OR3A2: variants seen among roughly 807,000 people sequenced by gnomAD.
OR3A2 encodes the protein olfactory receptor 3A2.
For missense variants in OR3A2, 318 were observed against 392.8 expected, an observed-to-expected ratio of 0.81 and a Z score of 1.61; for synonymous variants, 126 against 159.3, an observed-to-expected ratio of 0.79 and a Z score of 1.57.
upstream of OR3A2, among the ~76,000 whole-genome samples, chr17:3,288,116 C>T (rs2048830405): frequency 6.6e-6 from 1 of 150,872 alleles, no homozygotes; most frequent in Admixed American, 6.6e-5. Context: ...AGCAGTTACT[C>T]TAAACAAAAT....
At chr17:3,341,033 C>G (rs1597349454) in intron 2 of OR3A2, among the ~76,000 whole-genome samples, 1 of 152,036 alleles carries the variant, frequency 6.6e-6, no homozygotes, top group Non-Finnish European at 1.5e-5. Context: ...CCTTCTTTGT[C>G]TCTTTTGATC....
At chr17:3,278,063 G>A in exon 2 of OR3A2, 1 of 1,614,152 alleles carries the variant, frequency 6.2e-7, no homozygotes, top group African/African-American at 1.3e-5. Flanking sequence ...TCAGCATAGG[G>A]TTGATAACAG....
rs1279688209 is a variant in OR3A2 at position 3,351,274 on chromosome 17, T to C, written c.-178-15148A>G. Among the ~76,000 whole-genome samples, 55 of 93,842 alleles carry C rather than the reference T, an allele frequency of 5.9e-4. 5 individuals carry two copies. The highest frequency in any genetic ancestry group is 2.0e-3 in the African/African-American group (54 of 27,188). 61.6% of individuals were successfully genotyped at this position (93,842 alleles called of 152,430 possible). ...TTTGCAGACAACATCATTGTATATC[T>C]AGAAAACCCCATTGTGTCAGCCCAA... On this transcript the variant is annotated intron_variant, in intron 2 of 4. Coordinates refer to the OR3A2 transcript ENST00000573491.
At chr17:3,323,019 G>A (rs1274299563) in intron 3 of OR3A2, among the ~76,000 whole-genome samples, 3 of 152,110 alleles carry the variant, frequency 2.0e-5, no homozygotes, top group Non-Finnish European at 4.4e-5. Context: ...CTCTTTGTAG[G>A]TCACTAAGGA....
Position 3,291,805 on chromosome 17 carries a change from A to G in OR3A2, c.-84-12652T>C, listed in dbSNP as rs765967770. ...GTTGAACCCAGTCGCATATAGTTAA[A>G]GATACCTGAACCATAGAATATGGCA... On this transcript the variant is annotated intron_variant, in intron 3 of 4. Transcript: ENST00000573491. 1.3e-5 allele frequency: 21 copies of G among 1,613,764 alleles called. No homozygotes were observed. In the South Asian group the frequency reaches 2.3e-4, roughly 18 times the overall value.
intron 2 of OR3A2, among the ~76,000 whole-genome samples, chr17:3,348,200 G>T (rs1249643423): frequency 6.6e-6 from 1 of 152,066 alleles, no homozygotes; most frequent in African/African-American, 2.4e-5. Context: ...TAGGTTGCCT[G>T]TTCACTCTGA....
At chr17:3,323,003 C>G (rs1055909169) in intron 3 of OR3A2, among the ~76,000 whole-genome samples, 2 of 152,078 alleles carry the variant, frequency 1.3e-5, no homozygotes, top group Non-Finnish European at 2.9e-5. Flanking sequence ...GTGTGGGAGT[C>G]TAAGTCTCTT....
rs1330999456 is a variant in OR3A2 at position 3,355,449 on chromosome 17, TC to T, written c.-178-19324del. Among the ~76,000 whole-genome samples, 8 of 123,924 alleles carry T rather than the reference TC, an allele frequency of 6.5e-5. 1 individual carries two copies. Among genetic ancestry groups the T allele is most frequent in the African/African-American group, 2.4e-4 (8 of 33,942 alleles). The allele number at this position is 123,924 out of a possible 152,430, so 81.3% of individuals were successfully genotyped here. A position where few individuals can be genotyped will look rare whatever the true frequency, so the allele number is the denominator to read the frequency against. On this transcript the variant is annotated intron_variant, in intron 2 of 4. Coordinates refer to the OR3A2 transcript ENST00000573491. Reference sequence around the variant, plus strand: ...GCATTTCTCTCTCTCTCTCTCTCTCTCTCTCTCTCTCTTTAGCTCTAATAAT... The same window carrying T: ...GCATTTCTCTCTCTCTCTCTCTCTCTTCTCTCTCTCTTTAGCTCTAATAAT...
chr17:3,365,487 T>C (rs903365276), intron 2 of OR3A2, among the ~76,000 whole-genome samples: 1 of 152,210 alleles, frequency 6.6e-6, no homozygotes, highest in Non-Finnish European at 1.5e-5. Flanking sequence ...GCTGGGATAA[T>C]GGAGGCTATG....
At chr17:3,288,252 A>G (rs911506824), upstream of OR3A2, among the ~76,000 whole-genome samples, 1 of 149,198 alleles carries the variant, frequency 6.7e-6, no homozygotes, top group African/African-American at 2.4e-5. Context: ...AGGGCAAAAA[A>G]AAAAAAAAAA....
At position 3,322,490 on chromosome 17, in the gene OR3A2, C is replaced by A. The variant is rs144361899; in HGVS notation, c.-85+13543G>T. On this transcript the variant is annotated intron_variant, in intron 3 of 4. Transcript: ENST00000573491. Reference sequence around the variant, plus strand: ...GGGCATCAATTTTAGATCTTTCCTGCTTTCTCTTGTGGGCATTTAGTGCTA... The same window carrying A: ...GGGCATCAATTTTAGATCTTTCCTGATTTCTCTTGTGGGCATTTAGTGCTA... Among the ~76,000 whole-genome samples the A allele has an allele frequency of 2.7e-3, 416 of 152,250 alleles. 1 individual carries two copies. The highest frequency in any genetic ancestry group is 0.017 in the Middle Eastern group (5 of 294).
At chr17:3,376,929 A>G (rs908858941) in intron 2 of OR3A2, among the ~76,000 whole-genome samples, 1 of 151,912 alleles carries the variant, frequency 6.6e-6, no homozygotes, top group Non-Finnish European at 1.5e-5. Flanking sequence ...CTACTTTTAT[A>G]TTTTGCTCGG....
chr17:3,341,958 C>A (rs191470972), intron 2 of OR3A2, among the ~76,000 whole-genome samples: 1 of 152,100 alleles, frequency 6.6e-6, no homozygotes, highest in African/African-American at 2.4e-5. Flanking sequence ...AGGCTTTGTT[C>A]GTTTCTTTTT....
In OR3A2 at chr17:3,372,901, G is replaced by GGGAGAGGGAGAA. The variant is rs1223065387; in HGVS notation, c.-179+10902_-179+10903insTTCTCCCTCTCC. 2.2e-4 allele frequency among the ~76,000 whole-genome samples: 27 copies of GGGAGAGGGAGAA among 124,262 alleles called. 1 individual carries two copies. In the Middle Eastern group the frequency reaches 0.013, roughly 62 times the overall value. The allele number at this position is 124,262 out of a possible 152,430, so 81.5% of individuals were successfully genotyped here. On this transcript the variant is annotated intron_variant, in intron 2 of 4. Coordinates refer to the OR3A2 transcript ENST00000573491. Reference sequence around the variant, plus strand: ...AGGGAGAGGGAGAGGGAGAGGGAGAGGGAGAGGGCTCTTTAGGATTTTTTG... The same window carrying GGGAGAGGGAGAA: ...AGGGAGAGGGAGAGGGAGAGGGAGAGGGAGAGGGAGAAGGAGAGGGCTCTTTAGGATTTTTTG...
chr17:3,345,354 T>C (rs1018174303), intron 2 of OR3A2, among the ~76,000 whole-genome samples: 1 of 151,760 alleles, frequency 6.6e-6, no homozygotes, highest in African/African-American at 2.4e-5. Context: ...GACCTTTTTC[T>C]TAAATAATGA....
At position 3,292,258 on chromosome 17, in the gene OR3A2, G is replaced by T. The variant is rs542218726; in HGVS notation, c.-84-13105C>A. 3.1e-6 allele frequency: 5 copies of T among 1,614,208 alleles called. No individual in the cohort carries two copies. In the South Asian group the frequency reaches 5.5e-5, roughly 18 times the overall value. Reference sequence around the variant, plus strand: ...AGGAAGCAGTCCACTCCAACGAACAGATGGAAGAAGAAGAGCTGGGTAAGG... The same window carrying T: ...AGGAAGCAGTCCACTCCAACGAACATATGGAAGAAGAAGAGCTGGGTAAGG... On this transcript the variant is annotated intron_variant, in intron 3 of 4. Coordinates refer to the OR3A2 transcript ENST00000573491.
intron 1 of OR3A2, among the ~76,000 whole-genome samples, chr17:3,283,888 G>T (rs1470939514): frequency 1.4e-5 from 2 of 143,620 alleles, no homozygotes; most frequent in African/African-American, 2.8e-5. Flanking sequence ...AAACCAGGGG[G>T]ATTCTGGGAT....
rs144990685 is a variant in OR3A2 at position 3,314,681 on chromosome 17, A to C, written c.-85+21352T>G. 2.4e-3 allele frequency among the ~76,000 whole-genome samples: 373 copies of C among 152,344 alleles called. 1 individual carries two copies. The highest frequency in any genetic ancestry group is 0.017 in the Middle Eastern group (5 of 294). On this transcript the variant is annotated intron_variant, in intron 3 of 4. Transcript: ENST00000573491. ...TGAGTTCTGTAATTTTAAAAAATTA[A>C]ATACATATATTTTTTAAATTTCCAC...
chr17:3,297,621 T>C (rs2048930065), intron 3 of OR3A2, among the ~76,000 whole-genome samples: 1 of 151,820 alleles, frequency 6.6e-6, no homozygotes, highest in East Asian at 1.9e-4. Flanking sequence ...CATTTCTCTA[T>C]AGAGCACACC....
Sources: allele counts gnomAD v4.1 joint callset (sites outside exome capture counted in the v4.1 genomes callset), GRCh38; gene constraint gnomAD v4.1.1; transcripts MANE v1.5; gene names NCBI Gene and HGNC (gene_info 2026-07-23, HGNC 2026-07-21).